The following ANKAR variants were observed in gnomAD, a reference collection of about 807,000 sequenced individuals.
The protein encoded by ANKAR is ankyrin and armadillo repeat containing, also known as ankyrin and armadillo repeat-containing protein.
ANKAR carries 136 observed loss-of-function variants against 146.2 expected under a neutral mutation model. The ratio of observed to expected loss-of-function variants is 0.93; its 90% CI spans 0.81 to 1.07. The LOEUF (loss-of-function observed/expected upper bound fraction) is 1.07. ANKAR is among the 50% of genes least tolerant of loss of function. The probability of loss-of-function intolerance (pLI) is 0.00; values close to 1 mark genes in which losing one functional copy is unlikely to be tolerated. For synonymous variants in ANKAR, 500 were observed against 575.8 expected (o/e 0.87, Z 1.88); for missense variants, 1,567 against 1,679.9 (o/e 0.93, Z 1.18).
intron 18 of ANKAR, chr2:189,752,626 A>G (rs998580226): frequency 6.2e-7 from 1 of 1,611,488 alleles, no homozygotes; most frequent in Non-Finnish European, 8.5e-7. Context: ...TGTAACTTGC[A>G]TAAAGATCAT....
intron 17 of ANKAR, among the ~76,000 whole-genome samples, chr2:189,736,290 G>A (rs953344246): frequency 2.0e-5 from 3 of 152,152 alleles, no homozygotes; most frequent in African/African-American, 7.2e-5. Context: ...AATCAGTCAA[G>A]TCTTAGCATA....
intron 10 of ANKAR, among the ~76,000 whole-genome samples, chr2:189,715,600 T>G (rs907278184): frequency 1.3e-5 from 2 of 152,180 alleles, no homozygotes; most frequent in Non-Finnish European, 2.9e-5. Flanking sequence ...GAGGCCAGCA[T>G]CATCCTGATA....
At chr2:189,735,635 T>C (rs1394417691) in intron 17 of ANKAR, among the ~76,000 whole-genome samples, 1 of 152,198 alleles carries the variant, frequency 6.6e-6, no homozygotes, top group East Asian at 1.9e-4. Flanking sequence ...CAATAAAAAT[T>C]AAGTCAGGAA....
chr2:189,708,478 A>G (rs976633366), intron 9 of ANKAR, among the ~76,000 whole-genome samples: 2 of 152,258 alleles, frequency 1.3e-5, no homozygotes, highest in Non-Finnish European at 2.9e-5. Flanking sequence ...TACAGTCCTC[A>G]TACAACCATT....
Position 189,733,220 on chromosome 2 carries a change from A to T in ANKAR, c.3414A>T (p.Ser1138=), listed in dbSNP as rs957079871. ...EYADVLYLLH[S]TEKDICLRAG... is the part of the protein sequence containing the mutation. ...CTGATGTCCTTTATCTTCTTCACTC[A>T]ACAGAAAAGGTAATACCTTTACAAA... The change falls in exon 17 of 23, where the codon TCA becomes TCT. Residue 1138 remains serine, a synonymous_variant. Coordinates refer to ENST00000684021, the MANE Select transcript of ANKAR (RefSeq NM_001378068.1). The T allele has an allele frequency of 1.0e-5, 16 of 1,602,792 alleles. No individual in the cohort carries two copies. The highest frequency in any genetic ancestry group is 1.3e-5 in the Non-Finnish European group (15 of 1,175,974).
intron 18 of ANKAR, chr2:189,755,687 T>G: frequency 1.0e-6 from 1 of 1,001,662 alleles, no homozygotes; most frequent in Non-Finnish European, 1.4e-6. Context: ...ATTTTCTAAT[T>G]GTGTGCCTTC....
intron 9 of ANKAR, 139 bp downstream of exon 9, chr2:189,707,285 AC>A: frequency 2.3e-6 from 1 of 432,150 alleles, no homozygotes; most frequent in Non-Finnish European, 3.9e-6. Context: ...TTTTATTAAG[AC>A]CAGAAATAAA....
At chr2:189,675,735 C>G (rs2033509477) in intron 1 of ANKAR, among the ~76,000 whole-genome samples, 1 of 152,056 alleles carries the variant, frequency 6.6e-6, no homozygotes, top group South Asian at 2.1e-4. Context: ...GATATTTATC[C>G]CCTCCAAATC....
At chr2:189,726,033 A>G (rs2041845324) in intron 12 of ANKAR, among the ~76,000 whole-genome samples, 1 of 152,270 alleles carries the variant, frequency 6.6e-6, no homozygotes, top group African/African-American at 2.4e-5. Context: ...GCTCTTCCTT[A>G]TAGCAGAATG....
chr2:189,716,961 A>G (rs192539378), intron 10 of ANKAR, among the ~76,000 whole-genome samples: 5,268 of 152,270 alleles, frequency 0.035, 102 homozygotes, highest in South Asian at 0.069. Context: ...AAAGACTTAA[A>G]TGTTAGACCT....
chr2:189,761,152 A>C (rs2047007234), exon 19 of ANKAR: 2 of 278,028 alleles, frequency 7.2e-6, no homozygotes, highest in South Asian at 2.5e-4. Context: ...AAAAGAAGGA[A>C]TGCATTACTG....
At chr2:189,715,151 C>G (rs943759224) in intron 10 of ANKAR, among the ~76,000 whole-genome samples, 6 of 151,938 alleles carry the variant, frequency 3.9e-5, no homozygotes, top group East Asian at 1.9e-4. Flanking sequence ...AATCCAGGAG[C>G]TGGTTTGTTG....
intron 17 of ANKAR, among the ~76,000 whole-genome samples, chr2:189,736,955 T>C (rs1316948473): frequency 2.0e-5 from 3 of 151,836 alleles, no homozygotes; most frequent in African/African-American, 7.3e-5. Context: ...ACGCCTTTGG[T>C]CTTAGCTACT....
chr2:189,754,541 A>G (rs903930277), intron 18 of ANKAR: 4 of 544,128 alleles, frequency 7.4e-6, no homozygotes, highest in East Asian at 6.0e-5. Context: ...GACCCGAACA[A>G]TAAGAGGCCA....
intron 18 of ANKAR, chr2:189,753,207 C>T (rs1161182605): frequency 6.9e-6 from 2 of 290,504 alleles, no homozygotes; most frequent in African/African-American, 4.4e-5. Context: ...TTTCTTCCAA[C>T]CTTTCATCTA....
chr2:189,717,841 A>C (rs1032711677), intron 10 of ANKAR, among the ~76,000 whole-genome samples: 1 of 152,186 alleles, frequency 6.6e-6, no homozygotes, highest in South Asian at 2.1e-4. Context: ...ACAAGGACAG[A>C]AAAGCAAACA....
chr2:189,724,339 T>C (rs1378310804), intron 12 of ANKAR, among the ~76,000 whole-genome samples: 1 of 152,208 alleles, frequency 6.6e-6, no homozygotes, highest in African/African-American at 2.4e-5. Context: ...TGACTCTCTA[T>C]CACCTAGGAT....
intron 8 of ANKAR, among the ~76,000 whole-genome samples, chr2:189,706,244 G>A (rs1324968144): frequency 2.6e-5 from 4 of 151,924 alleles, no homozygotes; most frequent in African/African-American, 9.6e-5. Context: ...AAAAATTAAC[G>A]GGTATGGTGG....
chr2:189,738,102 A>G (rs910544676), intron 18 of ANKAR, among the ~76,000 whole-genome samples: 11 of 152,164 alleles, frequency 7.2e-5, no homozygotes, highest in East Asian at 1.9e-4. Context: ...AAGGTTGACA[A>G]TCAGGTAGTA....
Sources: allele counts gnomAD v4.1 joint callset (sites outside exome capture counted in the v4.1 genomes callset), GRCh38; gene constraint gnomAD v4.1.1; transcripts MANE v1.5; gene names NCBI Gene and HGNC (gene_info 2026-07-23, HGNC 2026-07-21).